Variants in PRPS2 observed in about 807,000 individuals in gnomAD.
The protein encoded by PRPS2 is ribose-phosphate pyrophosphokinase 2.
For missense variants in PRPS2, 104 were observed against 271.5 expected (o/e 0.38, Z 4.34); for synonymous variants, 111 against 115.3 (o/e 0.96, Z 0.24).
At chrX:12,811,445 T>G (rs752405359) in intron 4 of PRPS2, among the ~76,000 whole-genome samples, 1 of 111,392 alleles carries the variant, frequency 9.0e-6, no homozygotes, top group Non-Finnish European at 1.9e-5. Flanking sequence ...AAGAGAATGC[T>G]GCAAGCTGAG....
chrX:12,819,513 A>G lies in PRPS2; in HGVS notation c.537A>G (p.Thr179=). The change falls in exon 5 of 7, where the codon ACA becomes ACG. Residue 179 remains threonine (T), a synonymous_variant. Transcript: ENST00000380668. ...TCATTTGTGCCTTTGCCAGGGTTAC[A>G]TCAATTGCAGACAGGTTGAATGTGG... ...SPDAGGAKRV[T]SIADRLNVEF... is the part of the protein sequence containing the mutation. 8.3e-7 allele frequency: 1 copy of G among 1,207,385 alleles called. No homozygotes were observed. Among genetic ancestry groups the G allele is most frequent in the Non-Finnish European group, 1.1e-6 (1 of 892,852 alleles).
At chrX:12,798,116 G>A (rs769939334) in intron 1 of PRPS2, among the ~76,000 whole-genome samples, 58 of 112,010 alleles carry the variant, frequency 5.2e-4, no homozygotes, top group African/African-American at 1.8e-3. Context: ...TTGATTGTTA[G>A]TGAAGGGTTT....
chrX:12,798,368 T>C (rs1333825687), intron 1 of PRPS2, among the ~76,000 whole-genome samples: 1 of 112,030 alleles, frequency 8.9e-6, no homozygotes, highest in Non-Finnish European at 1.9e-5. Context: ...TTGCAAGTGA[T>C]GGAACTGAAT....
At chrX:12,812,340 C>A (rs779012288) in intron 4 of PRPS2, among the ~76,000 whole-genome samples, 1 of 112,085 alleles carries the variant, frequency 8.9e-6, no homozygotes, top group Admixed American at 9.5e-5. Context: ...CAAATACGTA[C>A]AATTGGCCGG....
At chrX:12,809,167 G>C in intron 2 of PRPS2, 67 bp from the exon 3 acceptor site, 2 of 984,415 alleles carry the variant, frequency 2.0e-6, no homozygotes, top group Non-Finnish European at 2.8e-6. Context: ...TCTCATGTAC[G>C]TCTTAGTGGG....
intron 2 of PRPS2, among the ~76,000 whole-genome samples, chrX:12,801,733 C>T (rs1262869816): frequency 1.8e-5 from 2 of 112,087 alleles, no homozygotes; most frequent in African/African-American, 6.5e-5. Flanking sequence ...CTCAGCCTCC[C>T]GAGTAGCTGG....
At chrX:12,813,764 T>C (rs1299042966) in intron 4 of PRPS2, among the ~76,000 whole-genome samples, 1 of 112,096 alleles carries the variant, frequency 8.9e-6, no homozygotes, top group African/African-American at 3.2e-5. Context: ...GTGGATTGTC[T>C]ACAGTTTTGC....
At chrX:12,801,499 T>G (rs2147216295) in intron 2 of PRPS2, among the ~76,000 whole-genome samples, 1 of 112,717 alleles carries the variant, frequency 8.9e-6, no homozygotes, top group East Asian at 2.8e-4. Context: ...TTAGCATCTT[T>G]CTCCTTGTCA....
At chrX:12,813,839 TCTC>T (rs2147222035) in intron 4 of PRPS2, among the ~76,000 whole-genome samples, 2 of 112,066 alleles carry the variant, frequency 1.8e-5, no homozygotes, top group East Asian at 5.6e-4. Flanking sequence ...TTTCATTTCT[TCTC>T]CTATTTTGTA....
chrX:12,817,777 T>G (rs1465893681), intron 4 of PRPS2, among the ~76,000 whole-genome samples: 2 of 111,765 alleles, frequency 1.8e-5, no homozygotes, highest in Non-Finnish European at 3.8e-5. Flanking sequence ...ATGAACAGTT[T>G]ATGCTAATTG....
At chrX:12,815,925 G>A (rs767548988) in intron 4 of PRPS2, among the ~76,000 whole-genome samples, 1 of 112,188 alleles carries the variant, frequency 8.9e-6, no homozygotes, top group South Asian at 3.7e-4. Context: ...TTACAGCTGT[G>A]AGCCACCGTG....
At position 12,822,854 on chromosome X, in the gene PRPS2, CTGGATTTTT is replaced by C; in HGVS notation, c.*59_*67del. The C allele has an allele frequency of 1.9e-6, 2 of 1,027,662 alleles. No homozygotes were observed. Among genetic ancestry groups the C allele is most frequent in the Non-Finnish European group, 2.7e-6 (2 of 734,568 alleles). 84.7% of individuals were successfully genotyped at this position (1,027,662 alleles called of 1,213,427 possible). On this transcript the variant is annotated 3_prime_UTR_variant, in exon 7 of 7. Coordinates refer to ENST00000380668, the MANE Select transcript of PRPS2 (RefSeq NM_002765.5). ...CTGACTTCTGACTTGTTTTTGTTTT[CTGGATTTTT>C]AGCTGTAGGTATTCAGCAATGATAG...
At chrX:12,804,862 G>C (rs1315496068) in intron 2 of PRPS2, among the ~76,000 whole-genome samples, 1 of 111,284 alleles carries the variant, frequency 9.0e-6, no homozygotes, top group African/African-American at 3.3e-5. Flanking sequence ...AAGACTTTCT[G>C]TTGTGCTGTT....
rs2042671374 is a variant in PRPS2 at position 12,820,710 on chromosome X, T to G, written c.771T>G (p.Ala257=). 1.7e-6 allele frequency: 2 copies of G among 1,211,372 alleles called. No individual in the cohort carries two copies. Among genetic ancestry groups the G allele is most frequent in the Non-Finnish European group, 2.2e-6 (2 of 895,186 alleles). ...ILTHGIFSGP[A]ISRINNAAFE... is the part of the protein sequence containing the mutation. ...CCCATGGGATCTTCTCTGGACCAGC[T>G]ATTTCCAGAATAAATAATGCCGCCT... is the stretch of plus-strand genomic sequence containing the variant. Residue 257 remains alanine (A), a synonymous_variant, in exon 6 of 7, where the codon GCT becomes GCG. Transcript: ENST00000380668.
At chrX:12,806,878 C>T (rs975888645) in intron 2 of PRPS2, among the ~76,000 whole-genome samples, 1 of 111,454 alleles carries the variant, frequency 9.0e-6, no homozygotes, top group African/African-American at 3.3e-5. Flanking sequence ...CACCTGAGGT[C>T]GGGAGTTCGA....
At chrX:12,796,855 T>C (rs913747466) in intron 1 of PRPS2, among the ~76,000 whole-genome samples, 3 of 94,139 alleles carry the variant, frequency 3.2e-5, no homozygotes, top group Non-Finnish European at 6.3e-5. Context: ...ATTTCAGATT[T>C]TTTTTTTTTT....
At chrX:12,812,348 C>T (rs913017667) in intron 4 of PRPS2, among the ~76,000 whole-genome samples, 1 of 111,940 alleles carries the variant, frequency 8.9e-6, no homozygotes, top group Non-Finnish European at 1.9e-5. Flanking sequence ...TACAATTGGC[C>T]GGGTGTGGTG....
rs1209515612 is a variant in PRPS2, at chrX:12,823,776, C to T, written c.*980C>T. 1 of 112,282 alleles carries T rather than the reference C, an allele frequency of 8.9e-6. No individual in the cohort carries two copies. Among genetic ancestry groups the T allele is most frequent in the Admixed American group, 9.5e-5 (1 of 10,576 alleles). The allele number at this position is 112,282 out of a possible 1,213,427, so 9.3% of individuals were successfully genotyped here. A position where few individuals can be genotyped will look rare whatever the true frequency, so the allele number is the denominator to read the frequency against. On this transcript the variant is annotated 3_prime_UTR_variant, in exon 7 of 7. Transcript: ENST00000380668. The stretch of plus-strand genomic sequence containing the variant: ...TTCAGAATACATTTATGAACCAATG[C>T]GACTGGACTTAGCCACACACAATGG...
At position 12,809,929 on chromosome X, in the gene PRPS2, A is replaced by C. The variant is rs925349823; in HGVS notation, c.406-93A>C. On this transcript the variant is annotated intron_variant, in intron 3 of 6. Transcript: ENST00000380668. ...AGCTTCTTTTGAACAAAAAATGCAA[A>C]TGTTATTTAATGAAAGCGATTATCG... is the stretch of plus-strand genomic sequence containing the variant. 1.4e-5 allele frequency: 15 copies of C among 1,047,618 alleles called. No homozygotes were observed. The African/African-American group carries it at 1.9e-4, about 14-fold the overall frequency. 86.3% of individuals were successfully genotyped at this position (1,047,618 alleles called of 1,213,427 possible).
Sources: allele counts gnomAD v4.1 joint callset (sites outside exome capture counted in the v4.1 genomes callset), GRCh38; gene constraint gnomAD v4.1.1; transcripts MANE v1.5; gene names NCBI Gene and HGNC (gene_info 2026-07-23, HGNC 2026-07-21).